The following ANKRD42 variants were observed in gnomAD, a reference collection of about 807,000 sequenced individuals.
ANKRD42 encodes the protein ankyrin repeat domain-containing protein 42.
Under a neutral mutation model 51.5 loss-of-function variants are expected in ANKRD42, and 43 were observed. The observed-to-expected ratio is 0.83, with a 90% CI of 0.65 to 1.08. ANKRD42 has a LOEUF of 1.08. ANKRD42 is among the 50% of genes least tolerant of loss of function. The pLI, the probability that ANKRD42 is intolerant of heterozygous loss-of-function variation, is 0.00. For synonymous variants in ANKRD42, 203 were observed against 213.0 expected, an observed-to-expected ratio of 0.95 and a Z score of 0.41; for missense variants, 608 against 629.3, an observed-to-expected ratio of 0.97 and a Z score of 0.36.
At chr11:83,243,649 A>G (rs1863454432) in intron 9 of ANKRD42, among the ~76,000 whole-genome samples, 1 of 151,884 alleles carries the variant, frequency 6.6e-6, no homozygotes, top group African/African-American at 2.4e-5. Context: ...AGACATTTTT[A>G]TGTATGTATG....
intron 10 of ANKRD42, among the ~76,000 whole-genome samples, chr11:83,247,269 G>A (rs963776215): frequency 2.0e-5 from 3 of 151,786 alleles, no homozygotes; most frequent in Middle Eastern, 3.4e-3. Context: ...GGGTTACACC[G>A]TGTTGGCCAG....
intron 6 of ANKRD42, among the ~76,000 whole-genome samples, chr11:83,227,517 T>C (rs1481184065): frequency 6.6e-6 from 1 of 152,168 alleles, no homozygotes; most frequent in Non-Finnish European, 1.5e-5. Flanking sequence ...AAAATTGTCC[T>C]GGTACAATAC....
intron 9 of ANKRD42, among the ~76,000 whole-genome samples, chr11:83,241,956 T>C (rs191675174): frequency 1.3e-5 from 2 of 152,296 alleles, no homozygotes; most frequent in African/African-American, 4.8e-5. Flanking sequence ...AATTATATCC[T>C]GATGCCAAGG....
At position 83,198,460 on chromosome 11, in the gene ANKRD42, T is replaced by C; in HGVS notation, c.59-19T>C. 6.2e-7 allele frequency: 1 copy of C among 1,602,002 alleles called. No individual in the cohort carries two copies. The highest frequency in any genetic ancestry group is 8.5e-7 in the Non-Finnish European group (1 of 1,172,380). On this transcript the variant is annotated intron_variant, in intron 1 of 10. Coordinates refer to ENST00000533342, the MANE Select transcript of ANKRD42 (RefSeq NM_001300975.2). Reference sequence around the variant, plus strand: ...TCATAGTTTTGTAGTACATTGTAAGTAATTTGATTTTTCAATAGGTTCCAG... The same window carrying C: ...TCATAGTTTTGTAGTACATTGTAAGCAATTTGATTTTTCAATAGGTTCCAG...
intron 5 of ANKRD42, among the ~76,000 whole-genome samples, chr11:83,216,798 T>C (rs182170588): frequency 1.1e-3 from 169 of 152,246 alleles, no homozygotes; most frequent in African/African-American, 3.9e-3. Flanking sequence ...AGGAAATGAG[T>C]GAGTTTCACA....
chr11:83,252,932 A>G (rs554755398), downstream of ANKRD42, among the ~76,000 whole-genome samples: 1 of 152,326 alleles, frequency 6.6e-6, no homozygotes, highest in East Asian at 1.9e-4. Context: ...AGAGTTATGT[A>G]GCACTGAACT....
intron 1 of ANKRD42, among the ~76,000 whole-genome samples, chr11:83,196,617 T>C (rs1861667113): frequency 6.6e-6 from 1 of 152,364 alleles, no homozygotes. Context: ...CACAGGTTCC[T>C]ATGAATATTT....
At chr11:83,236,602 A>G in intron 8 of ANKRD42, 93 bp downstream of exon 8, 5 of 943,076 alleles carry the variant, frequency 5.3e-6, no homozygotes, top group Non-Finnish European at 7.8e-6. Context: ...TTTTAATGGA[A>G]TTTTAGAGGA....
rs770312357 is a variant in ANKRD42, at chr11:83,206,100, G to C, written c.265G>C (p.Val89Leu). ...CTGGCATGGAGCTGATATCACACAC[G>C]TAACAACGAGAGGTTGGACAGCATC... is the stretch of plus-strand genomic sequence containing the variant. ...LLWHGADITH[V>L]TTRGWTASHI... The change falls in exon 3 of 11, where the codon GTA (valine) becomes CTA (leucine). Residue 89 changes from valine to leucine, a missense_variant. By Grantham distance (32) the Val-to-Leu change is conservative (BLOSUM62 1). Coordinates refer to ENST00000533342, the MANE Select transcript of ANKRD42 (RefSeq NM_001300975.2). The C allele has an allele frequency of 2.5e-6, 4 of 1,613,984 alleles. No homozygotes were observed. The highest frequency in any genetic ancestry group is 1.1e-5 in the South Asian group (1 of 91,076).
chr11:83,250,983 T>A (rs190243454), downstream of ANKRD42, among the ~76,000 whole-genome samples: 9 of 152,332 alleles, frequency 5.9e-5, no homozygotes, highest in Admixed American at 5.9e-4. Context: ...TCAGCTTGAT[T>A]TTCTTGTCAC....
At chr11:83,224,037 G>T (rs960891290) in intron 5 of ANKRD42, among the ~76,000 whole-genome samples, 1 of 146,286 alleles carries the variant, frequency 6.8e-6, no homozygotes. Context: ...AAAATTTCTT[G>T]TCTGTTCATG....
intron 5 of ANKRD42, among the ~76,000 whole-genome samples, chr11:83,216,635 T>G (rs1862546689): frequency 6.6e-6 from 1 of 152,254 alleles, no homozygotes; most frequent in African/African-American, 2.4e-5. Flanking sequence ...CTTTACCATT[T>G]CTTATAAGAT....
At chr11:83,256,570 T>C (rs918796475), downstream of ANKRD42, among the ~76,000 whole-genome samples, 1 of 152,150 alleles carries the variant, frequency 6.6e-6, no homozygotes, top group African/African-American at 2.4e-5. Flanking sequence ...TTTTCTCTTC[T>C]CTTCCCTCCA....
intron 7 of ANKRD42, among the ~76,000 whole-genome samples, chr11:83,229,241 C>G (rs1862993013): frequency 1.3e-5 from 2 of 151,848 alleles, no homozygotes; most frequent in Non-Finnish European, 2.9e-5. Context: ...GTAAATTAGT[C>G]AAATTGGATT....
chr11:83,221,596 CT>C (rs1053565794), intron 5 of ANKRD42, among the ~76,000 whole-genome samples: 22 of 152,266 alleles, frequency 1.4e-4, no homozygotes, highest in African/African-American at 5.1e-4. Context: ...TCTCTGCCTC[CT>C]TTTTGGCCCT....
chr11:83,231,898 T>C (rs186690147), intron 7 of ANKRD42, among the ~76,000 whole-genome samples: 78 of 151,530 alleles, frequency 5.1e-4, no homozygotes, highest in Admixed American at 8.5e-4. Context: ...GTTTCTGGTC[T>C]ATTAGTCGGG....
downstream of ANKRD42, among the ~76,000 whole-genome samples, chr11:83,252,208 C>G (rs1382738233): frequency 6.6e-6 from 1 of 152,120 alleles, no homozygotes; most frequent in Non-Finnish European, 1.5e-5. Context: ...AAACAAGATA[C>G]CAATATATAC....
At chr11:83,231,503 G>T (rs901513409) in intron 7 of ANKRD42, among the ~76,000 whole-genome samples, 2 of 152,066 alleles carry the variant, frequency 1.3e-5, no homozygotes, top group Non-Finnish European at 2.9e-5. Context: ...CTCTCATTCT[G>T]TGGGTTGTCT....
intron 2 of ANKRD42, among the ~76,000 whole-genome samples, chr11:83,201,377 C>T (rs1007432089): frequency 6.6e-6 from 1 of 152,178 alleles, no homozygotes; most frequent in Non-Finnish European, 1.5e-5. Context: ...ATATGTGCCA[C>T]ATTTTCTTTA....
Sources: gnomAD v4.1 joint callset for allele counts (sites outside exome capture counted in the v4.1 genomes callset) on GRCh38, gnomAD v4.1.1 for gene constraint, MANE v1.5 for transcripts, NCBI Gene and HGNC (gene_info 2026-07-23, HGNC 2026-07-21) for gene names.